Variants in ZNF469 observed in about 807,000 individuals in gnomAD.
ZNF469 encodes zinc finger protein 469.
In ZNF469, 1 loss-of-function variant was observed where a neutral mutation model predicts 1.0. The ratio of observed to expected loss-of-function variants is 1.00; its 90% CI spans 0.35 to 4.73. The LOEUF is 4.73. Among genes scored for constraint, ZNF469 ranks in the 30% most tolerant of loss-of-function variants. ZNF469 has a pLI of 0.16. For missense variants in ZNF469, 6,100 were observed against 5,356.3 expected, an observed-to-expected ratio of 1.14 and a Z score of -4.33; for synonymous variants, 2,703 against 2,363.4, an observed-to-expected ratio of 1.14 and a Z score of -4.17.
the ZNF469 span, among the ~76,000 whole-genome samples, chr16:88,343,174 G>A: frequency 6.6e-6 from 1 of 152,168 alleles, no homozygotes; most frequent in Non-Finnish European, 1.5e-5. Context: ...CTGGGTCCGT[G>A]GTAGCCCACC....
the ZNF469 span, among the ~76,000 whole-genome samples, chr16:88,112,719 C>A: frequency 6.6e-5 from 10 of 150,494 alleles, no homozygotes; most frequent in African/African-American, 2.5e-4. Context: ...ATATTTCCTC[C>A]CATTCTGTGG....
At chr16:88,160,301 C>T in the ZNF469 span, among the ~76,000 whole-genome samples, 3 of 152,194 alleles carry the variant, frequency 2.0e-5, no homozygotes, top group East Asian at 1.9e-4. Context: ...TAGAATGTAA[C>T]AGATTTTTAA....
chr16:88,374,943 A>G, the ZNF469 span, among the ~76,000 whole-genome samples: 1 of 152,212 alleles, frequency 6.6e-6, no homozygotes, highest in Non-Finnish European at 1.5e-5. Context: ...GGCAGCGTTC[A>G]GTGTGGTGGA....
the ZNF469 span, among the ~76,000 whole-genome samples, chr16:88,226,135 T>C: frequency 0.31 from 46,441 of 152,022 alleles, 7,591 homozygotes; most frequent in Non-Finnish European, 0.35. Flanking sequence ...GCGTCTGTGC[T>C]GGGGGTGGAG....
chr16:88,227,374 G>A, the ZNF469 span, among the ~76,000 whole-genome samples: 1 of 152,132 alleles, frequency 6.6e-6, no homozygotes, highest in Non-Finnish European at 1.5e-5. Context: ...GCCGTGCCTG[G>A]CCTCAGGCTG....
the ZNF469 span, among the ~76,000 whole-genome samples, chr16:88,340,055 G>C: frequency 6.6e-6 from 1 of 152,080 alleles, no homozygotes; most frequent in Admixed American, 6.5e-5. Context: ...GCAGTGCCAG[G>C]TCTGAGCCAC....
Position 88,411,799 on chromosome 16 carries a change from T to G in ZNF469, c.-191-13008T>G, listed in dbSNP as rs567766269. On this transcript the variant is annotated intron_variant, in intron 1 of 2. Coordinates refer to ENST00000565624, the MANE Select transcript of ZNF469 (RefSeq NM_001367624.2). ...GCTTGGTTTCTTTATCTGTAGGGAG[T>G]GTGTGAGGCCCCCACCTGGTTTCCC... Among the ~76,000 whole-genome samples the G allele has an allele frequency of 2.1e-3, 319 of 152,046 alleles. 5 individuals are homozygous for G. The South Asian group carries it at 0.038, about 18-fold the overall frequency.
the ZNF469 span, among the ~76,000 whole-genome samples, chr16:88,114,729 G>C: frequency 1.3e-5 from 2 of 152,178 alleles, no homozygotes; most frequent in East Asian, 3.9e-4. Flanking sequence ...CTGTGTGTGC[G>C]GTGAGTCGGC....
chr16:88,416,228 T>A (rs531336776), intron 1 of ZNF469, among the ~76,000 whole-genome samples: 2 of 152,296 alleles, frequency 1.3e-5, no homozygotes, highest in South Asian at 4.1e-4. Flanking sequence ...CGGTTTCTCA[T>A]GCAGAGACCT....
At chr16:88,277,506 C>T in the ZNF469 span, among the ~76,000 whole-genome samples, 1 of 145,812 alleles carries the variant, frequency 6.9e-6, no homozygotes, top group African/African-American at 2.6e-5. Context: ...TCGGTCAGTA[C>T]CGTGTAGATA....
chr16:88,112,038 G>A, the ZNF469 span, among the ~76,000 whole-genome samples: 8 of 152,274 alleles, frequency 5.3e-5, no homozygotes, highest in Middle Eastern at 3.4e-3. Flanking sequence ...TTTTGTGGCT[G>A]AATAGTACTA....
the ZNF469 span, among the ~76,000 whole-genome samples, chr16:88,179,836 A>G: frequency 6.6e-6 from 1 of 152,246 alleles, no homozygotes; most frequent in African/African-American, 2.4e-5. Context: ...TAACATGCAG[A>G]AGCAAATCTG....
At chr16:88,374,929 G>A in the ZNF469 span, among the ~76,000 whole-genome samples, 5 of 152,324 alleles carry the variant, frequency 3.3e-5, no homozygotes, top group South Asian at 4.1e-4. Flanking sequence ...CTGAGCAAAC[G>A]CCTGGCAGCG....
At position 88,424,848 on chromosome 16, in the gene ZNF469, G is replaced by A. The variant is rs550486567; in HGVS notation, c.-150G>A. On this transcript the variant is annotated 5_prime_UTR_variant, in exon 2 of 3. Coordinates refer to ENST00000565624, the MANE Select transcript of ZNF469 (RefSeq NM_001367624.2). This position sits in a 1 kb window ranked among gnomAD's most constrained non-coding sequence, Gnocchi z 4.3. Reference sequence around the variant, plus strand: ...CCTCAGGAAGTTGTGCGGCGACCCAGCTGAGGGGCCCCCGACTCCCCAGGT... The same window carrying A: ...CCTCAGGAAGTTGTGCGGCGACCCAACTGAGGGGCCCCCGACTCCCCAGGT... Among the ~76,000 whole-genome samples, 2 of 152,288 alleles carry A rather than the reference G, an allele frequency of 1.3e-5. No individual in the cohort carries two copies. Among genetic ancestry groups the A allele is most frequent in the East Asian group, 3.9e-4 (2 of 5,170 alleles).
At chr16:88,127,371 G>T in the ZNF469 span, among the ~76,000 whole-genome samples, 1 of 152,222 alleles carries the variant, frequency 6.6e-6, no homozygotes, top group South Asian at 2.1e-4. Flanking sequence ...CCAGGATCTC[G>T]CTAGAATAGA....
intron 1 of ZNF469, among the ~76,000 whole-genome samples, chr16:88,399,130 G>A (rs1030016239): frequency 1.3e-5 from 2 of 152,244 alleles, no homozygotes; most frequent in Admixed American, 1.3e-4. Context: ...CCACCCAGGG[G>A]CTGCATGTGG....
At chr16:88,336,868 C>A in the ZNF469 span, among the ~76,000 whole-genome samples, 1 of 152,324 alleles carries the variant, frequency 6.6e-6, no homozygotes, top group East Asian at 1.9e-4. Context: ...CACCACCTGC[C>A]GTTCCCCCAG....
intron 1 of ZNF469, among the ~76,000 whole-genome samples, chr16:88,418,522 C>T (rs1905363851): frequency 6.6e-6 from 1 of 152,062 alleles, no homozygotes; most frequent in Non-Finnish European, 1.5e-5. Context: ...GGCAGGGCTC[C>T]GTCTTTAAGC....
the ZNF469 span, among the ~76,000 whole-genome samples, chr16:88,158,891 A>C: frequency 6.6e-6 from 1 of 151,892 alleles, no homozygotes; most frequent in Admixed American, 6.6e-5. Flanking sequence ...GTGGTTCTGA[A>C]CCTACTGGGG....
Sources: allele counts gnomAD v4.1 joint callset (sites outside exome capture counted in the v4.1 genomes callset), GRCh38; gene constraint gnomAD v4.1.1; non-coding constraint Gnocchi (gnomAD v3.1); transcripts MANE v1.5; gene names NCBI Gene and HGNC (gene_info 2026-07-23, HGNC 2026-07-21).